The following PIK3R3 variants were observed in gnomAD, a reference collection of about 807,000 sequenced individuals.
The protein encoded by PIK3R3 is phosphoinositide-3-kinase regulatory subunit 3.
A neutral mutation model predicts 62.9 loss-of-function variants in PIK3R3; 64 were observed. The observed-to-expected ratio is 1.02, with a 90% CI of 0.83 to 1.25. The LOEUF (loss-of-function observed/expected upper bound fraction) is 1.25, where lower values mean the gene tolerates loss of function less well. Among genes scored for constraint, PIK3R3 ranks in the 50% most tolerant of loss-of-function variants. PIK3R3 has a pLI of 0.00. For synonymous variants in PIK3R3, 165 were observed against 189.0 expected (o/e 0.87, Z 1.04); for missense variants, 614 against 561.6 (o/e 1.09, Z -0.94).
chr1:46,165,887 C>T, the PIK3R3 span, among the ~76,000 whole-genome samples: 1 of 149,528 alleles, frequency 6.7e-6, no homozygotes, highest in African/African-American at 2.5e-5. Context: ...TCTCCTGCCT[C>T]AGCCTCCCGA....
intron 1 of PIK3R3, among the ~76,000 whole-genome samples, chr1:46,096,036 G>A (rs1652090246): frequency 6.6e-6 from 1 of 152,046 alleles, no homozygotes; most frequent in South Asian, 2.1e-4. Context: ...CTCCTGCCTT[G>A]GCCTCCTAAA....
Position 46,127,353 on chromosome 1 carries a change from A to AT in PIK3R3, c.106+4493_106+4494insA, listed in dbSNP as rs1439949713. ...GTGAGACCCTGCCTCAAAAAAAAAA[A>AT]AAAATATATATATATATACATAATT... On this transcript the variant is annotated intron_variant, in intron 1 of 9. Transcript: ENST00000262741. Among the ~76,000 whole-genome samples, 64 of 140,298 alleles carry AT rather than the reference A, an allele frequency of 4.6e-4. 1 individual carries two copies. The highest frequency in any genetic ancestry group is 9.8e-4 in the Admixed American group (14 of 14,256). 92.0% of individuals were successfully genotyped at this position (140,298 alleles called of 152,430 possible). A position where few individuals can be genotyped will look rare whatever the true frequency, so the allele number is the denominator to read the frequency against.
chr1:46,121,803 T>A (rs893381066), intron 1 of PIK3R3, among the ~76,000 whole-genome samples: 1 of 152,134 alleles, frequency 6.6e-6, no homozygotes. Context: ...TGGATAAGGG[T>A]AGATGGTATT....
the PIK3R3 span, among the ~76,000 whole-genome samples, chr1:46,143,258 G>A: frequency 6.6e-6 from 1 of 152,208 alleles, no homozygotes; most frequent in Non-Finnish European, 1.5e-5. Flanking sequence ...GCCTAAAGGT[G>A]TGAGTGGATC....
the PIK3R3 span, among the ~76,000 whole-genome samples, chr1:46,173,834 TACAC>T: frequency 6.6e-6 from 1 of 152,120 alleles, no homozygotes; most frequent in Admixed American, 6.5e-5. Flanking sequence ...CAGACACAGA[TACAC>T]ACAGACACAA....
chr1:46,043,822 A>G lies in PIK3R3; in HGVS notation c.1237T>C (p.Tyr413His). The change falls in exon 10 of 10, where the codon TAT becomes CAT. Residue 413 changes from tyrosine to histidine, a missense_variant. Coordinates refer to ENST00000262741, the MANE Select transcript of PIK3R3 (RefSeq NM_003629.4). ...HCVIYSTARG[Y>H]GFAEPYNLYS... is the part of the protein sequence containing the mutation. ...AGGTTGTAGGGCTCTGCAAAGCCAT[A>G]GCCCCGAGCAGTGCTGTAGATCACA... The G allele has an allele frequency of 1.9e-6, 3 of 1,614,196 alleles. No homozygotes were observed. Among genetic ancestry groups the G allele is most frequent in the Non-Finnish European group, 2.5e-6 (3 of 1,180,014 alleles).
At chr1:46,072,417 C>A (rs1005626064) in intron 3 of PIK3R3, among the ~76,000 whole-genome samples, 8 of 152,230 alleles carry the variant, frequency 5.3e-5, no homozygotes, top group African/African-American at 1.9e-4. Context: ...CTCATTAATT[C>A]TTTCATTCAA....
At chr1:46,142,241 A>C in the PIK3R3 span, among the ~76,000 whole-genome samples, 2 of 152,150 alleles carry the variant, frequency 1.3e-5, no homozygotes, top group African/African-American at 2.4e-5. Context: ...TCTCCTGTCT[A>C]TCCAAATGCC....
At chr1:46,148,746 G>A in the PIK3R3 span, among the ~76,000 whole-genome samples, 2 of 84,820 alleles carry the variant, frequency 2.4e-5, no homozygotes, top group Non-Finnish European at 4.1e-5. Context: ...AGATTTTGGA[G>A]AGAGAGAGAG....
At chr1:46,071,712 A>AAAAAAAAAAATATATAT (rs1472807815) in intron 3 of PIK3R3, among the ~76,000 whole-genome samples, 2 of 24,654 alleles carry the variant, frequency 8.1e-5, no homozygotes, top group African/African-American at 1.5e-4. Context: ...AAAAAAAAAA[A>AAAAAAAAAAATATATAT]ATATATATAT....
intron 3 of PIK3R3, among the ~76,000 whole-genome samples, chr1:46,074,781 C>A (rs1649915735): frequency 6.6e-6 from 1 of 152,192 alleles, no homozygotes; most frequent in South Asian, 2.1e-4. Context: ...GGTCTTCCCA[C>A]ACATCCCCAT....
chr1:46,136,249 C>T (rs1256832396), upstream of PIK3R3, among the ~76,000 whole-genome samples: 1 of 152,000 alleles, frequency 6.6e-6, no homozygotes, highest in East Asian at 1.9e-4. Context: ...AATATGACTC[C>T]CAGAAAGCCC....
chr1:46,160,382 AG>A, the PIK3R3 span, among the ~76,000 whole-genome samples: 2 of 152,248 alleles, frequency 1.3e-5, no homozygotes, highest in Admixed American at 6.5e-5. Context: ...GTAACAAATT[AG>A]GCACATTTGC....
chr1:46,066,111 A>G lies in PIK3R3; in HGVS notation c.564T>C (p.Tyr188=). The G allele has an allele frequency of 1.2e-6, 2 of 1,601,076 alleles. No individual in the cohort carries two copies. The highest frequency in any genetic ancestry group is 1.7e-6 in the Non-Finnish European group (2 of 1,168,520). ...GKKLQEYHSQ[Y]QEKSKEYDRL... ...TATCATACTCTTTACTCTTCTCCTG[A>G]TACTGAGAGTGGTATTCTTGCAGTT... The change falls in exon 5 of 10, where the codon TAT becomes TAC. Residue 188 remains tyrosine, a synonymous_variant. Coordinates refer to ENST00000262741, the MANE Select transcript of PIK3R3 (RefSeq NM_003629.4).
chr1:46,116,383 TA>T (rs1011552283), intron 1 of PIK3R3, among the ~76,000 whole-genome samples: 9 of 152,166 alleles, frequency 5.9e-5, no homozygotes, highest in African/African-American at 2.2e-4. Flanking sequence ...CCAGGCATGG[TA>T]GTGCATACCT....
chr1:46,048,348 T>C (rs1647171462), intron 7 of PIK3R3: 1 of 152,256 alleles, frequency 6.6e-6, no homozygotes, highest in Non-Finnish European at 1.5e-5. Flanking sequence ...TTCACAGTCT[T>C]TCTCAGTAAG....
chr1:46,161,421 T>G, the PIK3R3 span, among the ~76,000 whole-genome samples: 30 of 152,160 alleles, frequency 2.0e-4, no homozygotes, highest in Non-Finnish European at 3.8e-4. Flanking sequence ...ATGTTAATAC[T>G]CAGTGCTATG....
chr1:46,102,231 C>A (rs1292933667), intron 1 of PIK3R3, among the ~76,000 whole-genome samples: 3 of 151,934 alleles, frequency 2.0e-5, no homozygotes, highest in Non-Finnish European at 4.4e-5. Flanking sequence ...GTGATCCGCC[C>A]GCCTCGGCCT....
chr1:46,141,406 G>C, the PIK3R3 span, among the ~76,000 whole-genome samples: 1 of 151,962 alleles, frequency 6.6e-6, no homozygotes, highest in Admixed American at 6.6e-5. Context: ...GAGTAGCTGG[G>C]ATTACAGGCG....
Sources: allele counts gnomAD v4.1 joint callset (sites outside exome capture counted in the v4.1 genomes callset), GRCh38; gene constraint gnomAD v4.1.1; transcripts MANE v1.5; gene names NCBI Gene and HGNC (gene_info 2026-07-23, HGNC 2026-07-21).